The following CAMTA1 variants were observed in gnomAD, a reference collection of about 807,000 sequenced individuals.
CAMTA1 encodes calmodulin-binding transcription activator 1.
In CAMTA1, 27 loss-of-function variants were observed where a neutral mutation model predicts 170.9. That is an observed-to-expected ratio of 0.16 (90% confidence interval 0.12 to 0.22). The LOEUF (loss-of-function observed/expected upper bound fraction) is 0.22. Ranked by LOEUF, CAMTA1 falls within the 10% of genes least tolerant of loss-of-function variation. The pLI is 1.00. For missense variants in CAMTA1, 1,619 were observed against 2,217.2 expected (o/e 0.73, Z 5.42); for synonymous variants, 833 against 891.5 (o/e 0.93, Z 1.17).
intron 5 of CAMTA1, among the ~76,000 whole-genome samples, chr1:7,379,577 C>T (rs993533610): frequency 4.6e-4 from 70 of 152,280 alleles, no homozygotes; most frequent in African/African-American, 1.6e-3. Flanking sequence ...CCCAGGAAAC[C>T]GTAAAACAAA....
intron 11 of CAMTA1, among the ~76,000 whole-genome samples, chr1:7,728,892 G>C (rs1332500569): frequency 1.3e-5 from 2 of 152,264 alleles, no homozygotes; most frequent in Middle Eastern, 3.4e-3. Context: ...GAGAACGGCC[G>C]TGTGCAGGTT....
intron 3 of CAMTA1, among the ~76,000 whole-genome samples, chr1:6,882,997 A>G (rs1051742772): frequency 1.3e-5 from 2 of 152,130 alleles, no homozygotes; most frequent in African/African-American, 4.8e-5. Context: ...CCCGGGTTCA[A>G]GTGATTCTCT....
At chr1:7,454,501 A>T (rs552852762) in intron 5 of CAMTA1, among the ~76,000 whole-genome samples, 1 of 152,352 alleles carries the variant, frequency 6.6e-6, no homozygotes, top group South Asian at 2.1e-4. Context: ...ACTGGCCCAC[A>T]GTCATCAGTG....
intron 4 of CAMTA1, among the ~76,000 whole-genome samples, chr1:7,174,014 T>C (rs1256898617): frequency 6.6e-6 from 1 of 152,126 alleles, no homozygotes; most frequent in African/African-American, 2.4e-5. Flanking sequence ...CCTGGGTACC[T>C]TTCCTTGTCA....
intron 11 of CAMTA1, among the ~76,000 whole-genome samples, chr1:7,730,115 C>A (rs576493660): frequency 6.6e-6 from 1 of 152,304 alleles, no homozygotes; most frequent in African/African-American, 2.4e-5. Context: ...GTTCTGAGCA[C>A]TTACATAGAT....
intron 3 of CAMTA1, among the ~76,000 whole-genome samples, chr1:6,964,301 T>G (rs923816154): frequency 3.3e-5 from 5 of 151,138 alleles, no homozygotes; most frequent in Non-Finnish European, 5.9e-5. Flanking sequence ...CATGTAGGAG[T>G]GCAGTGTCCT....
chr1:7,603,657 T>C (rs1183939142), intron 6 of CAMTA1, among the ~76,000 whole-genome samples: 1 of 152,258 alleles, frequency 6.6e-6, no homozygotes, highest in East Asian at 1.9e-4. Flanking sequence ...CTGTGTCTTT[T>C]AATTGGACCA....
chr1:7,706,743 A>T (rs1002948611), intron 11 of CAMTA1, among the ~76,000 whole-genome samples: 1 of 152,246 alleles, frequency 6.6e-6, no homozygotes, highest in Non-Finnish European at 1.5e-5. Flanking sequence ...AGAGACCTTG[A>T]TGAGGTCGTC....
chr1:7,477,199 C>T (rs939166891), intron 6 of CAMTA1, among the ~76,000 whole-genome samples: 3 of 152,162 alleles, frequency 2.0e-5, no homozygotes, highest in African/African-American at 7.2e-5. Context: ...CAGCCCTGGT[C>T]TTAGAAGCCG....
chr1:7,667,109 G>A (rs1253286731), intron 9 of CAMTA1, among the ~76,000 whole-genome samples: 1 of 152,040 alleles, frequency 6.6e-6, no homozygotes, highest in East Asian at 1.9e-4. Context: ...GGCTGGTCTT[G>A]ACCTCCTGGC....
intron 1 of CAMTA1, among the ~76,000 whole-genome samples, chr1:6,806,054 G>C (rs1243935089): frequency 2.0e-5 from 3 of 152,078 alleles, no homozygotes; most frequent in Non-Finnish European, 4.4e-5. Flanking sequence ...TGTGAGGTAG[G>C]CTTCCAGCTT....
At chr1:7,740,756 G>A (rs1558269911) in intron 16 of CAMTA1, among the ~76,000 whole-genome samples, 1 of 152,200 alleles carries the variant, frequency 6.6e-6, no homozygotes, top group Non-Finnish European at 1.5e-5. Flanking sequence ...ATAGCCATTG[G>A]ATAGAGCAGC....
rs2095332731 is a variant in CAMTA1, at chr1:7,588,861, C to G, written c.511-51539C>G. On this transcript the variant is annotated intron_variant, in intron 6 of 22. Transcript: ENST00000303635. The surrounding 1 kb of genome is among the most constrained non-coding windows in gnomAD (Gnocchi z 5.8). The stretch of plus-strand genomic sequence containing the variant: ...TAATGAAATGGGGATGCAGTCCCAC[C>G]ATGTTATTGGGCACCAGGGCAACCC... Among the ~76,000 whole-genome samples the G allele has an allele frequency of 6.6e-6, 1 of 152,168 alleles. No homozygotes were observed. Among genetic ancestry groups the G allele is most frequent in the South Asian group, 2.1e-4 (1 of 4,824 alleles).
At chr1:7,246,909 C>T (rs1332828626) in intron 4 of CAMTA1, among the ~76,000 whole-genome samples, 1 of 152,080 alleles carries the variant, frequency 6.6e-6, no homozygotes, top group African/African-American at 2.4e-5. Context: ...CTCAAGTGAT[C>T]CACCTGCCTC....
intron 3 of CAMTA1, among the ~76,000 whole-genome samples, chr1:7,053,934 G>A (rs994873401): frequency 6.6e-6 from 1 of 152,208 alleles, no homozygotes; most frequent in Admixed American, 6.5e-5. Flanking sequence ...CTCCTCCTCT[G>A]TTAGCCTTAC....
intron 6 of CAMTA1, among the ~76,000 whole-genome samples, chr1:7,615,697 T>A (rs76670678): frequency 0.021 from 3,245 of 152,320 alleles, 53 homozygotes; most frequent in Non-Finnish European, 0.03. Flanking sequence ...GGAGGATGTG[T>A]GTTCCATGAG....
At chr1:7,127,710 G>A (rs1645015958) in intron 4 of CAMTA1, among the ~76,000 whole-genome samples, 1 of 152,192 alleles carries the variant, frequency 6.6e-6, no homozygotes, top group South Asian at 2.1e-4. Flanking sequence ...GTTAATGCTT[G>A]ACTATTAATT....
intron 3 of CAMTA1, among the ~76,000 whole-genome samples, chr1:6,920,862 C>T (rs1349665207): frequency 6.6e-6 from 1 of 152,216 alleles, no homozygotes; most frequent in South Asian, 2.1e-4. Context: ...CTGCACACTG[C>T]ACGGGAACCC....
intron 7 of CAMTA1, among the ~76,000 whole-genome samples, chr1:7,655,596 ACACACACCTATACACACC>A (rs970642550): frequency 1.9e-4 from 4 of 21,366 alleles, no homozygotes; most frequent in African/African-American, 4.4e-4. Flanking sequence ...ACACCCCTAT[ACACACACCTATACACACC>A]CACACACCTA....
Sources: allele counts gnomAD v4.1 joint callset (sites outside exome capture counted in the v4.1 genomes callset), GRCh38; gene constraint gnomAD v4.1.1; non-coding constraint Gnocchi (gnomAD v3.1); transcripts MANE v1.5; gene names NCBI Gene and HGNC (gene_info 2026-07-23, HGNC 2026-07-21).